RXFP1: variants seen among roughly 807,000 people sequenced by gnomAD.
The protein encoded by RXFP1 is relaxin family peptide receptor 1.
A neutral mutation model predicts 89.8 loss-of-function variants in RXFP1; 73 were observed. That is an observed-to-expected ratio of 0.81 (90% CI 0.67 to 0.99). The LOEUF (loss-of-function observed/expected upper bound fraction) is 0.99, where lower values mean the gene tolerates loss of function less well. Among genes scored for constraint, RXFP1 ranks in the 50% least tolerant of loss-of-function variants. The pLI, the probability that RXFP1 is intolerant of heterozygous loss-of-function variation, is 0.00. For synonymous variants in RXFP1, 277 were observed against 305.5 expected (o/e 0.91, Z 0.97); for missense variants, 793 against 895.5 (o/e 0.89, Z 1.46).
intron 1 of RXFP1, among the ~76,000 whole-genome samples, chr4:158,567,255 C>T (rs1753784266): frequency 6.6e-6 from 1 of 152,152 alleles, no homozygotes; most frequent in South Asian, 2.1e-4. Context: ...GGCACCCAGT[C>T]CCATTGACTG....
At chr4:158,568,875 T>A (rs1040901534) in intron 1 of RXFP1, among the ~76,000 whole-genome samples, 11 of 152,222 alleles carry the variant, frequency 7.2e-5, no homozygotes, top group African/African-American at 2.4e-4. Context: ...CTTTGATCAT[T>A]GACCCCAAAT....
At chr4:158,649,358 C>T (rs2150274590) in intron 17 of RXFP1, among the ~76,000 whole-genome samples, 1 of 151,822 alleles carries the variant, frequency 6.6e-6, no homozygotes. Flanking sequence ...CATTTTTTTT[C>T]AAAATGTAAG....
At chr4:158,556,578 A>C (rs1045076708) in intron 1 of RXFP1, among the ~76,000 whole-genome samples, 3 of 152,214 alleles carry the variant, frequency 2.0e-5, no homozygotes, top group African/African-American at 7.2e-5. Context: ...TTCAAAGGAA[A>C]TAAAATCAGT....
At chr4:158,616,827 C>T (rs910555780) in intron 8 of RXFP1, among the ~76,000 whole-genome samples, 2 of 151,132 alleles carry the variant, frequency 1.3e-5, no homozygotes, top group African/African-American at 4.9e-5. Context: ...GGTGAAACCC[C>T]GCCTCTACTA....
In RXFP1 at chr4:158,646,779, TGACTCCTCTAGGTGCC is replaced by T; in HGVS notation, c.1346-7_1354del. 1 of 1,554,950 alleles carries T rather than the reference TGACTCCTCTAGGTGCC, an allele frequency of 6.4e-7. No individual in the cohort carries two copies. Among genetic ancestry groups the T allele is most frequent in the Non-Finnish European group, 8.7e-7 (1 of 1,150,320 alleles). On this transcript the variant is annotated splice_acceptor_variant and splice_polypyrimidine_tract_variant and coding_sequence_variant and intron_variant, in exon 16 of 18. Coordinates refer to ENST00000307765, the MANE Select transcript of RXFP1 (RefSeq NM_021634.4). LOFTEE classifies it high-confidence loss of function. Reference sequence around the variant, plus strand: ...TTATTTCTCTAAATTTGTGAAACTATGACTCCTCTAGGTGCCGACTGCTTAATGGGAATATATTTAT... The same window carrying T: ...TTATTTCTCTAAATTTGTGAAACTATGACTGCTTAATGGGAATATATTTAT...
chr4:158,626,314 T>G (rs1335433972), intron 9 of RXFP1, among the ~76,000 whole-genome samples: 1 of 152,048 alleles, frequency 6.6e-6, no homozygotes, highest in African/African-American at 2.4e-5. Flanking sequence ...TAAAAGATTA[T>G]TGAGGATTTT....
intron 12 of RXFP1, among the ~76,000 whole-genome samples, chr4:158,635,872 A>G (rs1470284286): frequency 4.6e-5 from 7 of 151,330 alleles, no homozygotes; most frequent in Admixed American, 4.6e-4. Flanking sequence ...TTGTTTTTGT[A>G]GAGATGGGGG....
At chr4:158,551,149 T>C (rs546657031) in intron 1 of RXFP1, among the ~76,000 whole-genome samples, 1 of 152,198 alleles carries the variant, frequency 6.6e-6, no homozygotes, top group Non-Finnish European at 1.5e-5. Flanking sequence ...GGAAAGAAAC[T>C]CTGGCATTTG....
intron 11 of RXFP1, 56 bp downstream of exon 11, chr4:158,628,765 C>T (rs1026126488): frequency 8.9e-5 from 81 of 910,858 alleles, no homozygotes; most frequent in Non-Finnish European, 1.2e-4. Context: ...TTTTTTCACA[C>T]TTGTACTTAC....
chr4:158,646,672 C>A, intron 15 of RXFP1, 119 bp from the exon 16 acceptor site: 1 of 1,455,892 alleles, frequency 6.9e-7, no homozygotes, highest in South Asian at 1.6e-5. Flanking sequence ...TAAAAATTAC[C>A]TCTTCCTAAG....
chr4:158,535,535 G>C (rs1303312478), intron 1 of RXFP1, among the ~76,000 whole-genome samples: 1 of 151,780 alleles, frequency 6.6e-6, no homozygotes, highest in African/African-American at 2.4e-5. Context: ...ACCAAAAATG[G>C]ACTAAAATGT....
chr4:158,651,610 A>T, intron 17 of RXFP1, 147 bp from the exon 18 acceptor site: 1 of 580,024 alleles, frequency 1.7e-6, no homozygotes, highest in Non-Finnish European at 2.9e-6. Context: ...CTTGGAAACA[A>T]ATATAGACTT....
In RXFP1 at chr4:158,563,057, T is replaced by G. The variant is rs537265520; in HGVS notation, c.50-9641T>G. Among the ~76,000 whole-genome samples, 44 of 152,342 alleles carry G rather than the reference T, an allele frequency of 2.9e-4. No homozygotes were observed. In the South Asian group the frequency reaches 8.7e-3, roughly 30 times the overall value. ...GATGATGTTTCTTTATGCAGGCGCA[T>G]GTAGCCTATCCATCCTTTAAGGATA... On this transcript the variant is annotated intron_variant, in intron 1 of 17. Transcript: ENST00000307765.
intron 1 of RXFP1, among the ~76,000 whole-genome samples, chr4:158,550,856 TC>T: frequency 6.6e-6 from 1 of 152,290 alleles, no homozygotes; most frequent in East Asian, 1.9e-4. Context: ...TGCTTTAGCT[TC>T]CTAAACTATA....
intron 10 of RXFP1, among the ~76,000 whole-genome samples, chr4:158,627,761 C>T (rs2150189284): frequency 6.6e-6 from 1 of 152,178 alleles, no homozygotes; most frequent in South Asian, 2.1e-4. Flanking sequence ...TCTTCAGGTA[C>T]AGGGTGCTTG....
At chr4:158,634,024 T>G (rs1012288196) in intron 12 of RXFP1, among the ~76,000 whole-genome samples, 3 of 152,208 alleles carry the variant, frequency 2.0e-5, no homozygotes, top group Non-Finnish European at 4.4e-5. Context: ...CTTTCAATTT[T>G]TAGGTACCTA....
At chr4:158,626,935 A>G (rs1483941749) in intron 10 of RXFP1, 44 bp downstream of exon 10, 2 of 1,093,410 alleles carry the variant, frequency 1.8e-6, no homozygotes, top group Non-Finnish European at 2.6e-6. Flanking sequence ...ATCTTTTCTT[A>G]CAAATAAAAT....
At chr4:158,572,049 A>T (rs867815318) in intron 1 of RXFP1, among the ~76,000 whole-genome samples, 1 of 152,146 alleles carries the variant, frequency 6.6e-6, no homozygotes, top group Non-Finnish European at 1.5e-5. Context: ...CACCTGGTGA[A>T]ACCAATCCCC....
intron 1 of RXFP1, among the ~76,000 whole-genome samples, chr4:158,546,461 G>C (rs1490502685): frequency 6.6e-6 from 1 of 151,988 alleles, no homozygotes; most frequent in Admixed American, 6.6e-5. Context: ...CTGCCTAATT[G>C]CCCTGGCCAG....
Sources: allele counts gnomAD v4.1 joint callset (sites outside exome capture counted in the v4.1 genomes callset), GRCh38; gene constraint gnomAD v4.1.1; transcripts MANE v1.5; gene names NCBI Gene and HGNC (gene_info 2026-07-23, HGNC 2026-07-21).